PLD4: variants seen among roughly 807,000 people sequenced by gnomAD.
PLD4 encodes the protein phospholipase D family member 4.
In PLD4, 54 loss-of-function variants were observed where a neutral mutation model predicts 52.3. The observed-to-expected ratio is 1.03, with a 90% CI of 0.83 to 1.30. The LOEUF (loss-of-function observed/expected upper bound fraction) is 1.30, where lower values mean the gene tolerates loss of function less well. Among genes scored for constraint, PLD4 ranks in the 50% most tolerant of loss-of-function variants. The probability of loss-of-function intolerance (pLI) is 0.00; values close to 1 mark genes in which losing one functional copy is unlikely to be tolerated. For missense variants in PLD4, 731 were observed against 671.1 expected (o/e 1.09, Z -0.99); for synonymous variants, 264 against 286.5 (o/e 0.92, Z 0.79).
rs1897614002 is a variant in PLD4, at chr14:104,930,734, C to T, written c.718-8C>T. 6.2e-7 allele frequency: 1 copy of T among 1,612,972 alleles called. No homozygotes were observed. Among genetic ancestry groups the T allele is most frequent in the Admixed American group, 1.7e-5 (1 of 60,006 alleles). On this transcript the variant is annotated splice_polypyrimidine_tract_variant and splice_region_variant and intron_variant, in intron 6 of 10. Coordinates refer to ENST00000392593, the MANE Select transcript of PLD4 (RefSeq NM_138790.5). ...TTCTCCCACAGCGCCTGACTTTGGT[C>T]CCTGCAGGTGAAGGAGCTTGGCGCT... is the stretch of plus-strand genomic sequence containing the variant.
At position 104,931,393 on chromosome 14, in the gene PLD4, G is replaced by A. The variant is rs557173590; in HGVS notation, c.919-355G>A. Among the ~76,000 whole-genome samples the A allele has an allele frequency of 2.6e-5, 4 of 152,200 alleles. No individual in the cohort carries two copies. In the East Asian group the frequency reaches 7.7e-4, roughly 29 times the overall value. On this transcript the variant is annotated intron_variant, in intron 7 of 10. Coordinates refer to ENST00000392593, the MANE Select transcript of PLD4 (RefSeq NM_138790.5). ...GGGGTGGACAGCCCTCCAGCCAGCC[G>A]AGGGACTGGTCTGTAGTAGAGGCTG...
Position 104,931,897 on chromosome 14 carries a change from A to G in PLD4, c.1058+10A>G. On this transcript the variant is annotated intron_variant, in intron 8 of 10. Coordinates refer to ENST00000392593, the MANE Select transcript of PLD4 (RefSeq NM_138790.5). ...TCAGCCACCCCCCGAGGTAGGTCTG[A>G]GTGGGAGGTGGGCGGCCTGCTCTGC... 1 of 1,534,880 alleles carries G rather than the reference A, an allele frequency of 6.5e-7. No individual in the cohort carries two copies. Among genetic ancestry groups the G allele is most frequent in the Non-Finnish European group, 8.8e-7 (1 of 1,137,918 alleles).
At chr14:104,927,889 G>A in intron 3 of PLD4, 23 bp downstream of exon 3, 1 of 1,531,020 alleles carries the variant, frequency 6.5e-7, no homozygotes, top group Non-Finnish European at 8.8e-7. Flanking sequence ...ATGGAGGCCT[G>A]CGGGGGCAGG....
At chr14:104,929,497 G>A in intron 5 of PLD4, 70 bp downstream of exon 5, 1 of 1,476,514 alleles carries the variant, frequency 6.8e-7, no homozygotes, top group East Asian at 2.5e-5. Context: ...TGGCACCACA[G>A]GACAAGGAAA....
rs1232761916 is a variant in PLD4, at chr14:104,932,648, C to T, written c.1322-117C>T. The T allele has an allele frequency of 9.1e-7, 1 of 1,094,580 alleles. No individual in the cohort carries two copies. The highest frequency in any genetic ancestry group is 1.6e-5 in the African/African-American group (1 of 62,630). The allele number at this position is 1,094,580 out of a possible 1,614,324, so 67.8% of individuals were successfully genotyped here. On this transcript the variant is annotated intron_variant, in intron 10 of 10. Transcript: ENST00000392593. This position sits in a 1 kb window ranked among gnomAD's most constrained non-coding sequence, Gnocchi z 6.5. ...GGCTTCCCCGGCTGGAGTCTGATGACAGTGGAGGGGCCAGCTGCCAACCGT... is the reference window on the plus strand; with the variant it reads ...GGCTTCCCCGGCTGGAGTCTGATGATAGTGGAGGGGCCAGCTGCCAACCGT...
chr14:104,927,132 C>A lies in PLD4; in HGVS notation c.1-9C>A. On this transcript the variant is annotated splice_polypyrimidine_tract_variant and intron_variant, in intron 1 of 10. Coordinates refer to ENST00000392593, the MANE Select transcript of PLD4 (RefSeq NM_138790.5). ...GGAGCTGCTGGTGATGCCAGGCTGC[C>A]CTGTGCAGATGCTGAAGCCTCTTTG... 1 of 1,548,108 alleles carries A rather than the reference C, an allele frequency of 6.5e-7. No homozygotes were observed. The highest frequency in any genetic ancestry group is 2.4e-5 in the East Asian group (1 of 41,186).
At position 104,933,146 on chromosome 14, in the gene PLD4, C is replaced by G. The variant is rs544608095; in HGVS notation, c.*182C>G. The G allele has an allele frequency of 3.2e-5, 21 of 661,280 alleles. No individual in the cohort carries two copies. Among genetic ancestry groups the G allele is most frequent in the South Asian group, 1.1e-4 (5 of 45,368 alleles). 41.0% of individuals were successfully genotyped at this position (661,280 alleles called of 1,614,324 possible). On this transcript the variant is annotated 3_prime_UTR_variant, in exon 11 of 11. Transcript: ENST00000392593. ...TCTCTGATTTCCGAGTCCAGCCCCC[C>G]CTGAGCCCCACCTCCTCCAGGGAGC...
chr14:104,930,146 G>A (rs372391777), intron 6 of PLD4, 41 bp downstream of exon 6: 100 of 1,603,278 alleles, frequency 6.2e-5, no homozygotes, highest in African/African-American at 3.9e-4. Context: ...TGCCTGAAGC[G>A]TTTCCCCGCC....
intron 4 of PLD4, 121 bp from the exon 5 acceptor site, chr14:104,929,186 G>T (rs773009073): frequency 4.1e-6 from 6 of 1,454,716 alleles, no homozygotes; most frequent in African/African-American, 1.4e-5. Flanking sequence ...CCAGATACTT[G>T]ACCTGACCTT....
At chr14:104,935,769 C>G (rs1897793240), downstream of PLD4, 2 of 152,172 alleles carry the variant, frequency 1.3e-5, no homozygotes. Context: ...CTGGGGTTGC[C>G]TCCAGCCCCC....
intron 2 of PLD4, 71 bp downstream of exon 2, chr14:104,927,301 G>A (rs1238131067): frequency 7.5e-7 from 1 of 1,327,880 alleles, no homozygotes; most frequent in East Asian, 2.6e-5. Flanking sequence ...AGCCAGAGTG[G>A]AGAGGTCACA....
rs1251094421 is a variant in PLD4, at chr14:104,929,322, C to T, written c.484C>T (p.Gln162Ter). 3 of 1,580,164 alleles carry T rather than the reference C, an allele frequency of 1.9e-6. No homozygotes were observed. The highest frequency in any genetic ancestry group is 2.3e-5 in the East Asian group (1 of 43,344). Reference sequence around the variant, plus strand: ...GGCCTTGCAGGGAGAGGCTCTTCTGCAGAAGCTGCAGCAGCTGCTGGGCAG... The same window carrying T: ...GGCCTTGCAGGGAGAGGCTCTTCTGTAGAAGCTGCAGCAGCTGCTGGGCAG... Reference protein sequence around the residue: ...SSSQLGEALLQKLQQLLGRNI... With the variant: ...SSSQLGEALL The change falls in exon 5 of 11, where the codon CAG becomes TAG. Residue 162 changes from glutamine to a stop codon, truncating the protein, a stop_gained. Coordinates refer to ENST00000392593, the MANE Select transcript of PLD4 (RefSeq NM_138790.5). LOFTEE classifies it high-confidence loss of function.
Position 104,931,891 on chromosome 14 carries a change from G to T in PLD4, c.1058+4G>T. On this transcript the variant is annotated splice_donor_region_variant and intron_variant, in intron 8 of 10. Coordinates refer to ENST00000392593, the MANE Select transcript of PLD4 (RefSeq NM_138790.5). The stretch of plus-strand genomic sequence containing the variant: ...CGCGCTTCAGCCACCCCCCGAGGTA[G>T]GTCTGAGTGGGAGGTGGGCGGCCTG... The T allele has an allele frequency of 6.5e-7, 1 of 1,535,830 alleles. No homozygotes were observed.
In PLD4 at chr14:104,932,624, G is replaced by T; in HGVS notation, c.1322-141G>T. On this transcript the variant is annotated intron_variant, in intron 10 of 10. Transcript: ENST00000392593. The surrounding 1 kb of genome is among the most constrained non-coding windows in gnomAD (Gnocchi z 6.5). ...TGTCCCTCCCGCACCTAAGCGAGGG[G>T]CTTCCCCGGCTGGAGTCTGATGACA... is the stretch of plus-strand genomic sequence containing the variant. 1 of 934,634 alleles carries T rather than the reference G, an allele frequency of 1.1e-6. No individual in the cohort carries two copies. 57.9% of individuals were successfully genotyped at this position (934,634 alleles called of 1,614,324 possible).
intron 3 of PLD4, 82 bp downstream of exon 3, chr14:104,927,948 G>T: frequency 7.2e-7 from 1 of 1,387,518 alleles, no homozygotes; most frequent in Middle Eastern, 2.4e-4. Context: ...ATCTGCCCGT[G>T]AGATAAGGGG....
At position 104,930,742 on chromosome 14, in the gene PLD4, G is replaced by GT. The variant is rs767228426; in HGVS notation, c.719dup (p.Lys241GlufsTer9). On this transcript the variant is annotated frameshift_variant and splice_region_variant, in exon 7 of 11. Transcript: ENST00000392593. LOFTEE classifies it high-confidence loss of function. ...CAGCGCCTGACTTTGGTCCCTGCAG[G>GT]TGAAGGAGCTTGGCGCTGTCATCTA... 1 of 1,613,178 alleles carries GT rather than the reference G, an allele frequency of 6.2e-7. No individual in the cohort carries two copies. The highest frequency in any genetic ancestry group is 1.3e-5 in the African/African-American group (1 of 75,062).
chr14:104,927,825 G>A lies in PLD4; in HGVS notation c.243G>A (p.Glu81=). 1 of 1,588,942 alleles carries A rather than the reference G, an allele frequency of 6.3e-7. No homozygotes were observed. ...SWEHGSSPAW[E]PLEAEARQQR... The stretch of plus-strand genomic sequence containing the variant: ...AGCATGGCTCCAGCCCAGCTTGGGA[G>A]CCCCTGGAAGCAGAGGCCAGGCAGC... Residue 81 remains glutamate, a synonymous_variant, in exon 3 of 11, where the codon GAG becomes GAA. Transcript: ENST00000392593.
intron 3 of PLD4, 62 bp downstream of exon 3, chr14:104,927,928 C>T (rs1566887883): frequency 3.4e-6 from 5 of 1,453,968 alleles, no homozygotes; most frequent in Non-Finnish European, 4.6e-6. Flanking sequence ...GCCTGTGTTT[C>T]TGCCCTTGGA....
Position 104,928,758 on chromosome 14 carries a change from T to C in PLD4, c.294T>C (p.Leu98=), listed in dbSNP as rs1897537980. The C allele has an allele frequency of 6.3e-7, 1 of 1,588,602 alleles. No homozygotes were observed. The highest frequency in any genetic ancestry group is 1.7e-5 in the Admixed American group (1 of 58,534). ...GTGGCTCTCCCCACAGGCTTGTCCTTGTGGAAAGCATCCCCCAGGACCTGC... is the reference window on the plus strand; with the variant it reads ...GTGGCTCTCCCCACAGGCTTGTCCTCGTGGAAAGCATCCCCCAGGACCTGC... ...RQQRDSCQLV[L]VESIPQDLPS... Residue 98 remains leucine, a synonymous_variant, in exon 4 of 11, where the codon CTT becomes CTC. Coordinates refer to ENST00000392593, the MANE Select transcript of PLD4 (RefSeq NM_138790.5).
Sources: allele counts gnomAD v4.1 joint callset (sites outside exome capture counted in the v4.1 genomes callset), GRCh38; gene constraint gnomAD v4.1.1; non-coding constraint Gnocchi (gnomAD v3.1); transcripts MANE v1.5; gene names NCBI Gene and HGNC (gene_info 2026-07-23, HGNC 2026-07-21).